SH2D4A: variants seen among roughly 807,000 people sequenced by gnomAD.
SH2D4A encodes SH2 domain-containing protein 4A.
SH2D4A carries 70 observed loss-of-function variants against 64.7 expected under a neutral mutation model. The observed-to-expected ratio is 1.08, with a 90% CI of 0.89 to 1.32. The LOEUF (loss-of-function observed/expected upper bound fraction) is 1.32. SH2D4A is among the 40% of genes most tolerant of loss of function. The pLI is 0.00. For synonymous variants in SH2D4A, 268 were observed against 200.7 expected (o/e 1.34, Z -2.83); for missense variants, 706 against 540.1 (o/e 1.31, Z -3.04).
chr8:19,346,156 G>C (rs766784014), intron 4 of SH2D4A, among the ~76,000 whole-genome samples: 1 of 152,218 alleles, frequency 6.6e-6, no homozygotes, highest in East Asian at 1.9e-4. Flanking sequence ...TCTAGTTAGG[G>C]AATGGAAGTT....
At chr8:19,378,261 T>C (rs1017428096) in intron 8 of SH2D4A, among the ~76,000 whole-genome samples, 4 of 152,208 alleles carry the variant, frequency 2.6e-5, no homozygotes, top group African/African-American at 9.7e-5. Context: ...TTAAGGGAGA[T>C]AAGTTTTTCA....
chr8:19,314,150 C>T (rs1371675135), intron 1 of SH2D4A: 7 of 1,057,978 alleles, frequency 6.6e-6, no homozygotes, highest in South Asian at 4.6e-5. Context: ...GAGGGTCTGC[C>T]GGGGCTGAGG....
intron 8 of SH2D4A, among the ~76,000 whole-genome samples, chr8:19,383,634 A>AT (rs995555705): frequency 7.8e-4 from 118 of 150,732 alleles, no homozygotes; most frequent in Admixed American, 1.7e-3. Context: ...AAGGTTTACT[A>AT]TTTTTTTTTG....
intron 2 of SH2D4A, among the ~76,000 whole-genome samples, chr8:19,329,680 TC>T (rs760424661): frequency 6.6e-6 from 1 of 152,150 alleles, no homozygotes; most frequent in South Asian, 2.1e-4. Flanking sequence ...GGGGGCAGTT[TC>T]CCCCATACTG....
chr8:19,324,524 G>A (rs1246906806), intron 2 of SH2D4A, among the ~76,000 whole-genome samples: 2 of 152,120 alleles, frequency 1.3e-5, no homozygotes, highest in Non-Finnish European at 2.9e-5. Context: ...ATCACCTGCT[G>A]GATTCCTTCC....
chr8:19,327,589 G>T (rs983256520), intron 2 of SH2D4A, among the ~76,000 whole-genome samples: 5 of 152,010 alleles, frequency 3.3e-5, no homozygotes, highest in Non-Finnish European at 7.4e-5. Flanking sequence ...CATTCCCTGG[G>T]TGTCACCCTT....
chr8:19,357,386 A>C, intron 5 of SH2D4A, 103 bp downstream of exon 5: 1 of 875,548 alleles, frequency 1.1e-6, no homozygotes, highest in Non-Finnish European at 1.8e-6. Context: ...GAAATTAAGC[A>C]GCAGGATGGG....
At chr8:19,357,138 C>G in intron 4 of SH2D4A, 65 bp from the exon 5 acceptor site, 3 of 1,290,402 alleles carry the variant, frequency 2.3e-6, no homozygotes, top group Middle Eastern at 1.8e-4. Context: ...GAAACATTGA[C>G]AGATTATCTT....
At chr8:19,373,286 A>T (rs2053134306) in intron 7 of SH2D4A, among the ~76,000 whole-genome samples, 1 of 149,694 alleles carries the variant, frequency 6.7e-6, no homozygotes, top group African/African-American at 2.5e-5. Context: ...AGATCTGGAA[A>T]TGTGTATAAT....
At chr8:19,359,751 C>T (rs2153647999) in intron 5 of SH2D4A, among the ~76,000 whole-genome samples, 1 of 145,696 alleles carries the variant, frequency 6.9e-6, no homozygotes, top group South Asian at 2.1e-4. Flanking sequence ...TGCAGTGAAG[C>T]ACAATTTATG....
chr8:19,389,927 C>T (rs565752735), intron 8 of SH2D4A, among the ~76,000 whole-genome samples: 5 of 152,264 alleles, frequency 3.3e-5, no homozygotes, highest in East Asian at 3.9e-4. Flanking sequence ...CCTCCTATGA[C>T]ATCAGGTTTG....
chr8:19,392,538 C>T (rs1350044755), intron 8 of SH2D4A, among the ~76,000 whole-genome samples: 1 of 152,016 alleles, frequency 6.6e-6, no homozygotes, highest in Middle Eastern at 3.4e-3. Context: ...GAACCACTGT[C>T]CTAGACCAAG....
At chr8:19,326,492 A>G (rs770271878) in intron 2 of SH2D4A, among the ~76,000 whole-genome samples, 8 of 152,176 alleles carry the variant, frequency 5.3e-5, no homozygotes, top group Non-Finnish European at 1.2e-4. Context: ...ACTGTAGTTA[A>G]TATGGAACGT....
At chr8:19,341,305 A>T (rs972708526) in intron 4 of SH2D4A, among the ~76,000 whole-genome samples, 1 of 152,204 alleles carries the variant, frequency 6.6e-6, no homozygotes, top group Non-Finnish European at 1.5e-5. Flanking sequence ...TAACTCTAAT[A>T]TCTAAAAGTA....
Position 19,319,453 on chromosome 8 carries a change from TGGAAAC to T in SH2D4A, c.-93_-88del, listed in dbSNP as rs2052146908. ...ATTGTGAGCTGTTTGGGAAGTTTCG[TGGAAAC>T]GCCCAAGTGCCAGCACAGGTGGAGG... On this transcript the variant is annotated 5_prime_UTR_variant, in exon 2 of 10. Transcript: ENST00000265807. 1.0e-5 allele frequency: 14 copies of T among 1,348,008 alleles called. No homozygotes were observed. The highest frequency in any genetic ancestry group is 1.3e-5 in the Non-Finnish European group (14 of 1,045,404). The allele number at this position is 1,348,008 out of a possible 1,614,324, so 83.5% of individuals were successfully genotyped here.
chr8:19,381,124 A>G (rs2053286326), intron 8 of SH2D4A, among the ~76,000 whole-genome samples: 1 of 151,228 alleles, frequency 6.6e-6, no homozygotes. Context: ...ATCTTTGCTC[A>G]CTGCAACCTC....
At chr8:19,347,923 C>G (rs1188723560) in intron 4 of SH2D4A, among the ~76,000 whole-genome samples, 4 of 152,202 alleles carry the variant, frequency 2.6e-5, no homozygotes, top group Non-Finnish European at 5.9e-5. Context: ...TGCATACATG[C>G]ACACACAACA....
chr8:19,369,861 A>G (rs2053064608), intron 7 of SH2D4A, among the ~76,000 whole-genome samples: 1 of 151,760 alleles, frequency 6.6e-6, no homozygotes, highest in African/African-American at 2.4e-5. Context: ...CTAATGTTGC[A>G]TCAAGTTCTT....
At chr8:19,385,860 T>C (rs550059795) in intron 8 of SH2D4A, among the ~76,000 whole-genome samples, 21 of 152,224 alleles carry the variant, frequency 1.4e-4, no homozygotes, top group Non-Finnish European at 2.8e-4. Flanking sequence ...TGCTGAAGAA[T>C]GGAGATTTCT....
Sources: allele counts gnomAD v4.1 joint callset (sites outside exome capture counted in the v4.1 genomes callset), GRCh38; gene constraint gnomAD v4.1.1; transcripts MANE v1.5; gene names NCBI Gene and HGNC (gene_info 2026-07-23, HGNC 2026-07-21).